RGS3: variants seen among roughly 807,000 people sequenced by gnomAD.
RGS3 encodes regulator of G-protein signalling 3.
RGS3 carries 80 observed loss-of-function variants against 132.6 expected under a neutral mutation model. That is an observed-to-expected ratio of 0.60 (90% CI 0.50 to 0.73). The LOEUF is 0.73. RGS3 is among the 30% of genes least tolerant of loss of function. The pLI is 0.00. For synonymous variants in RGS3, 598 were observed against 620.6 expected (o/e 0.96, Z 0.54); for missense variants, 1,382 against 1,530.8 (o/e 0.90, Z 1.62).
intron 16 of RGS3, among the ~76,000 whole-genome samples, chr9:113,518,650 C>T (rs1484332466): frequency 6.6e-6 from 1 of 152,124 alleles, no homozygotes; most frequent in African/African-American, 2.4e-5. Flanking sequence ...CAAGGGAGTG[C>T]CCTGGGGGAC....
chr9:113,489,226 C>T (rs550045643), intron 7 of RGS3, among the ~76,000 whole-genome samples: 17 of 152,264 alleles, frequency 1.1e-4, no homozygotes, highest in African/African-American at 3.4e-4. Context: ...ACATGGCACT[C>T]GTTCTCCAAT....
At position 113,565,907 on chromosome 9, in the gene RGS3, GTGTGTGTGTC is replaced by G. The variant is rs1351766600; in HGVS notation, c.2038-17539_2038-17530del. 1.1e-3 allele frequency among the ~76,000 whole-genome samples: 162 copies of G among 149,048 alleles called. No individual in the cohort carries two copies. The highest frequency in any genetic ancestry group is 4.8e-3 in the South Asian group (22 of 4,626). On this transcript the variant is annotated intron_variant, in intron 19 of 24. Transcript: ENST00000350696. This position sits in a 1 kb window ranked among gnomAD's most constrained non-coding sequence, Gnocchi z 5.7. ...TGTGTGTGTGTGTGTGTGTGTGTGTGTGTGTGTGTCTGTCTGTCTGTCTGTCTCAGGGGCT... is the reference window on the plus strand; with the variant it reads ...TGTGTGTGTGTGTGTGTGTGTGTGTGTGTCTGTCTGTCTGTCTCAGGGGCT...
upstream of RGS3, chr9:113,460,244 G>A: frequency 8.5e-7 from 1 of 1,175,204 alleles, no homozygotes; most frequent in Non-Finnish European, 1.1e-6. Flanking sequence ...CTCCTGGCCA[G>A]GCGCAGTGGC....
intron 19 of RGS3, among the ~76,000 whole-genome samples, chr9:113,572,365 C>T (rs567804954): frequency 6.6e-6 from 1 of 151,968 alleles, no homozygotes; most frequent in African/African-American, 2.4e-5. Flanking sequence ...GACATCACCC[C>T]CAAGCAGAGA....
chr9:113,462,028 A>G lies in RGS3; in HGVS notation c.242A>G (p.His81Arg), dbSNP rs199641386. Reference sequence around the variant, plus strand: ...CCCATCTTGCTCCTGCAGGTCTGCCACGTCTCTGTGCTCAGTGTCCTCTCT... The same window carrying G: ...CCCATCTTGCTCCTGCAGGTCTGCCGCGTCTCTGTGCTCAGTGTCCTCTCT... The change falls in exon 3 of 25, where the codon CAC becomes CGC. Residue 81 changes from histidine (H) to arginine (R), a missense_variant. His to Arg is a conservative substitution (Grantham distance 29, BLOSUM62 0). Coordinates refer to ENST00000350696, the Ensembl canonical transcript of RGS3. 4.2e-4 allele frequency: 680 copies of G among 1,613,490 alleles called. 2 individuals carry two copies. The African/African-American group carries it at 7.6e-3, about 18-fold the overall frequency.
chr9:113,504,297 C>T (rs1425106124), intron 10 of RGS3, among the ~76,000 whole-genome samples: 2 of 152,178 alleles, frequency 1.3e-5, no homozygotes, highest in Non-Finnish European at 2.9e-5. Context: ...CTTGGGACAC[C>T]CTTCCCTGTG....
intron 17 of RGS3, among the ~76,000 whole-genome samples, chr9:113,524,585 C>T (rs560093406): frequency 6.6e-6 from 1 of 152,346 alleles, no homozygotes; most frequent in East Asian, 1.9e-4. Context: ...AGTAGAGGAG[C>T]TGAGGGCAGT....
exon 3 of RGS3, chr9:113,462,114 C>G: frequency 6.2e-7 from 1 of 1,614,132 alleles, no homozygotes; most frequent in East Asian, 2.2e-5. Context: ...GTGGCTAAGC[C>G]CTGATATCGC....
intron 19 of RGS3, chr9:113,541,283 G>A: frequency 1.9e-6 from 3 of 1,602,818 alleles, no homozygotes; most frequent in Non-Finnish European, 2.6e-6. Flanking sequence ...GGCCTGAGTA[G>A]ACAGCGAGCT....
At chr9:113,519,983 T>A (rs1352056102) in intron 16 of RGS3, among the ~76,000 whole-genome samples, 1 of 152,184 alleles carries the variant, frequency 6.6e-6, no homozygotes, top group African/African-American at 2.4e-5. Context: ...TCATGGAGTT[T>A]ACCATTAACT....
At chr9:113,460,720 C>G (rs1263105218) in intron 1 of RGS3, among the ~76,000 whole-genome samples, 1 of 152,050 alleles carries the variant, frequency 6.6e-6, no homozygotes, top group Non-Finnish European at 1.5e-5. Context: ...TCTGGTAGTA[C>G]AAGTTCCCTT....
intron 4 of RGS3, among the ~76,000 whole-genome samples, chr9:113,482,515 AG>A (rs1830199387): frequency 6.6e-6 from 1 of 152,218 alleles, no homozygotes; most frequent in South Asian, 2.1e-4. Context: ...CGCCAGCCAC[AG>A]CACGGCTCAC....
At chr9:113,547,429 C>G (rs984604347) in intron 19 of RGS3, among the ~76,000 whole-genome samples, 8 of 152,188 alleles carry the variant, frequency 5.3e-5, no homozygotes, top group African/African-American at 1.9e-4. Context: ...CAGCCTCCCC[C>G]ATTGGAGGCC....
At chr9:113,491,917 G>A (rs138836021) in intron 7 of RGS3, among the ~76,000 whole-genome samples, 1 of 152,302 alleles carries the variant, frequency 6.6e-6, no homozygotes, top group Non-Finnish European at 1.5e-5. Flanking sequence ...GATTTGCCCT[G>A]CACTGTCCCA....
intron 19 of RGS3, among the ~76,000 whole-genome samples, chr9:113,560,909 G>T (rs1306997418): frequency 1.3e-5 from 2 of 152,174 alleles, no homozygotes; most frequent in South Asian, 2.1e-4. Context: ...CAGTCTTGGG[G>T]TATCTGGGGA....
intron 20 of RGS3, among the ~76,000 whole-genome samples, chr9:113,590,377 T>G (rs1357460771): frequency 1.2e-5 from 1 of 86,362 alleles, no homozygotes; most frequent in Non-Finnish European, 2.1e-5. Flanking sequence ...ATCCATCTAT[T>G]CACCCATGCA....
chr9:113,510,148 T>C (rs1036746297), intron 14 of RGS3, among the ~76,000 whole-genome samples: 1 of 152,124 alleles, frequency 6.6e-6, no homozygotes, highest in African/African-American at 2.4e-5. Context: ...CTTTGCGTCC[T>C]CATAGCTTAG....
rs1454884360 is a variant in RGS3 at position 113,591,371 on chromosome 9, CTCCCGGAAGAGAAAGAGCAA to C, written c.3055_3074del (p.Ser1019LysfsTer18). Reference sequence around the variant, plus strand: ...ACACCGTTGGGGATGATGACGAAGCCTCCCGGAAGAGAAAGAGCAAAAACCTGTACGTTGGGAAGATCCCT... The same window carrying C: ...ACACCGTTGGGGATGATGACGAAGCCAAACCTGTACGTTGGGAAGATCCCT... On this transcript the variant is annotated frameshift_variant, in exon 21 of 25. Transcript: ENST00000350696. LOFTEE classifies it high-confidence loss of function. The surrounding 1 kb of genome is among the most constrained non-coding windows in gnomAD (Gnocchi z 4.4). 4.3e-6 allele frequency: 7 copies of C among 1,613,704 alleles called. No homozygotes were observed.
At chr9:113,512,661 C>G (rs536925840) in intron 14 of RGS3, among the ~76,000 whole-genome samples, 1 of 152,142 alleles carries the variant, frequency 6.6e-6, no homozygotes, top group South Asian at 2.1e-4. Flanking sequence ...ACCTGTTCCC[C>G]CCTCGCTGCC....
Sources: gnomAD v4.1 joint callset for allele counts (sites outside exome capture counted in the v4.1 genomes callset) on GRCh38, gnomAD v4.1.1 for gene constraint, Gnocchi (gnomAD v3.1) non-coding constraint, MANE v1.5 for transcripts, NCBI Gene and HGNC (gene_info 2026-07-23, HGNC 2026-07-21) for gene names.